The following KRT6B variants were observed in gnomAD, a reference collection of about 807,000 sequenced individuals.
KRT6B encodes the protein keratin 6B, also known as keratin, type II cytoskeletal 6B.
In KRT6B, 29 loss-of-function variants were observed where a neutral mutation model predicts 44.7. The observed-to-expected ratio is 0.65, with a 90% CI of 0.48 to 0.88. KRT6B has a LOEUF of 0.88. Among genes scored for constraint, KRT6B ranks in the 40% least tolerant of loss-of-function variants. KRT6B has a pLI of 0.00. For synonymous variants in KRT6B, 213 were observed against 296.0 expected (o/e 0.72, Z 2.88); for missense variants, 600 against 724.0 (o/e 0.83, Z 1.97).
Position 52,450,561 on chromosome 12 carries a change from C to T in KRT6B, c.600G>A (p.Glu200=). The T allele has an allele frequency of 1.2e-6, 2 of 1,614,240 alleles. No individual in the cohort carries two copies. The highest frequency in any genetic ancestry group is 1.7e-6 in the Non-Finnish European group (2 of 1,180,042). The part of the protein sequence containing the change: ...VLDTKWTLLQ[E]QGTKTVRQNL... ...TCTGCCTCACAGTCTTGGTGCCCTG[C>T]TCCTGCAGCAGGGTCCACTTGGTGT... Residue 200 remains glutamate (E), a synonymous_variant, in exon 2 of 9, where the codon GAG becomes GAA. Coordinates refer to ENST00000252252, the MANE Select transcript of KRT6B (RefSeq NM_005555.4).
Position 52,447,826 on chromosome 12 carries a change from T to C in KRT6B, c.1376A>G (p.Asp459Gly). The C allele has an allele frequency of 6.2e-7, 1 of 1,614,084 alleles. No individual in the cohort carries two copies. The highest frequency in any genetic ancestry group is 8.5e-7 in the Non-Finnish European group (1 of 1,180,012). ...QELMNVKLALDVEIATYRKLL... is the reference protein window; with the variant it reads ...QELMNVKLALGVEIATYRKLL... ...CTTGCGGTAGGTGGCGATCTCCACATCCAGGGCCAGCTTGACGTTCATCAG... is the reference window on the plus strand; with the variant it reads ...CTTGCGGTAGGTGGCGATCTCCACACCCAGGGCCAGCTTGACGTTCATCAG... The change falls in exon 7 of 9, where the codon GAT becomes GGT. Residue 459 changes from aspartate (D) to glycine (G), a missense_variant. Coordinates refer to ENST00000252252, the MANE Select transcript of KRT6B (RefSeq NM_005555.4).
At position 52,447,985 on chromosome 12, in the gene KRT6B, T is replaced by C. The variant is rs751323410; in HGVS notation, c.1217A>G (p.Gln406Arg). 3.1e-6 allele frequency: 5 copies of C among 1,614,180 alleles called. No homozygotes were observed. The highest frequency in any genetic ancestry group is 4.2e-6 in the Non-Finnish European group (5 of 1,180,022). Reference protein sequence around the residue: ...DHVKKQCANLQAAIADAEQRG... With the variant: ...DHVKKQCANLRAAIADAEQRG... ...CTGCTCAGCATCAGCAATGGCGGCC[T>C]GTAGGTTGGCACACTAGGAGGGCAA... The change falls in exon 7 of 9, where the codon CAG (glutamine) becomes CGG (arginine). Residue 406 changes from glutamine (Q) to arginine (R), a missense_variant. Around this residue, in one of 4 missense-constraint regions of KRT6B, gnomAD observed 479 missense variants for 454.2 expected, o/e 1.05. Coordinates refer to ENST00000252252, the MANE Select transcript of KRT6B (RefSeq NM_005555.4).
chr12:52,448,212 C>A (rs1000716513), intron 6 of KRT6B, among the ~76,000 whole-genome samples: 1 of 152,094 alleles, frequency 6.6e-6, no homozygotes, highest in African/African-American at 2.4e-5. Context: ...AACTCCACTG[C>A]CTAAAGATGT....
Position 52,450,498 on chromosome 12 carries a change from G to A in KRT6B, c.663C>T (p.Leu221=), listed in dbSNP as rs761170216. ...CCACGATGTTGTCCAGCTGCCTCCT[G>A]AGGTTGTTGATGTACTGCTCGAACA... ...EPLFEQYINN[L]RRQLDNIVGE... Residue 221 remains leucine (L), a synonymous_variant, in exon 2 of 9, where the codon CTC becomes CTT. Transcript: ENST00000252252. 7 of 1,614,216 alleles carry A rather than the reference G, an allele frequency of 4.3e-6. No individual in the cohort carries two copies. The highest frequency in any genetic ancestry group is 5.9e-6 in the Non-Finnish European group (7 of 1,180,054).
rs760396362 is a variant in KRT6B at position 52,450,433 on chromosome 12, T to C, written c.728A>G (p.Gln243Arg). The part of the protein sequence containing the change: ...GRLDSELRNM[Q>R]DLVEDLKNKY... ...GTTCTTGAGGTCCTCCACCAGGTCC[T>C]GCATGTTTCTCAGCTCCGAGTCCAG... The change falls in exon 2 of 9, where the codon CAG (glutamine) becomes CGG (arginine). Residue 243 changes from glutamine to arginine, a missense_variant. Gln to Arg is a conservative substitution (Grantham distance 43). Coordinates refer to ENST00000252252, the MANE Select transcript of KRT6B (RefSeq NM_005555.4). The C allele has an allele frequency of 2.5e-6, 4 of 1,614,102 alleles. No homozygotes were observed. The highest frequency in any genetic ancestry group is 1.3e-5 in the African/African-American group (1 of 74,932).
intron 2 of KRT6B, 74 bp from the exon 3 acceptor site, chr12:52,450,146 C>G: frequency 6.2e-7 from 1 of 1,612,788 alleles, no homozygotes; most frequent in Non-Finnish European, 8.5e-7. Context: ...TGGGATTCAA[C>G]ATTTTCCTGA....
In KRT6B at chr12:52,447,811, G is replaced by C; in HGVS notation, c.1391C>G (p.Thr464Ser). The C allele has an allele frequency of 1.9e-6, 3 of 1,614,170 alleles. No individual in the cohort carries two copies. Among genetic ancestry groups the C allele is most frequent in the Non-Finnish European group, 2.5e-6 (3 of 1,180,034 alleles). ...VKLALDVEIA[T>S]YRKLLEGEEC... ...CTCGCCCTCCAGCAGCTTGCGGTAG[G>C]TGGCGATCTCCACATCCAGGGCCAG... The change falls in exon 7 of 9, where the codon ACC becomes AGC. Residue 464 changes from threonine to serine, a missense_variant. Coordinates refer to ENST00000252252, the MANE Select transcript of KRT6B (RefSeq NM_005555.4).
At chr12:52,448,738 T>C in intron 6 of KRT6B, 104 bp downstream of exon 6, 1 of 1,587,672 alleles carries the variant, frequency 6.3e-7, no homozygotes, top group Non-Finnish European at 8.6e-7. Flanking sequence ...CCTTCTCTGC[T>C]TATCAATCAA....
Position 52,447,077 on chromosome 12 carries a change from C to A in KRT6B, c.*113G>T. On this transcript the variant is annotated 3_prime_UTR_variant, in exon 9 of 9. Transcript: ENST00000252252. ...GAAAAGTGAGGGCATCCCAGCTCTACCCGGGAGGGCAGGGGAGACTGGAGG... is the reference window on the plus strand; with the variant it reads ...GAAAAGTGAGGGCATCCCAGCTCTAACCGGGAGGGCAGGGGAGACTGGAGG... 7.3e-7 allele frequency: 1 copy of A among 1,374,216 alleles called. No homozygotes were observed. The highest frequency in any genetic ancestry group is 2.3e-5 in the East Asian group (1 of 43,430). The allele number at this position is 1,374,216 out of a possible 1,614,324, so 85.1% of individuals were successfully genotyped here.
At chr12:52,451,237 A>T (rs934594430) in intron 1 of KRT6B, among the ~76,000 whole-genome samples, 1 of 150,068 alleles carries the variant, frequency 6.7e-6, no homozygotes, top group African/African-American at 2.5e-5. Context: ...TTGCTTTGTA[A>T]TCTCTTAAAC....
At chr12:52,450,747 C>CA in intron 1 of KRT6B, 127 bp from the exon 2 acceptor site, 1 of 1,432,184 alleles carries the variant, frequency 7.0e-7, no homozygotes, top group Non-Finnish European at 9.7e-7. Flanking sequence ...TAGAGAGGCT[C>CA]AGGCTGAGCT....
intron 6 of KRT6B, among the ~76,000 whole-genome samples, 156 bp downstream of exon 6, chr12:52,448,686 G>A (rs1034961406): frequency 6.6e-6 from 1 of 152,124 alleles, no homozygotes; most frequent in Non-Finnish European, 1.5e-5. Flanking sequence ...CCATGTCTCT[G>A]AGCCAGAGTG....
chr12:52,447,634 G>A, intron 7 of KRT6B, 61 bp from the exon 8 acceptor site: 1 of 1,613,968 alleles, frequency 6.2e-7, no homozygotes, highest in South Asian at 1.1e-5. Flanking sequence ...AAGCCTCAGT[G>A]GGTGGGAAAG....
At chr12:52,447,696 G>A (rs562758952) in intron 7 of KRT6B, 82 bp downstream of exon 7, 296 of 1,613,948 alleles carry the variant, frequency 1.8e-4, no homozygotes, top group South Asian at 1.6e-3. Context: ...ATGGCCTTGG[G>A]CAGTGCACCT....
chr12:52,447,477 C>A (rs779394098), intron 8 of KRT6B, 52 bp from the exon 9 acceptor site: 2 of 1,613,870 alleles, frequency 1.2e-6, no homozygotes, highest in Non-Finnish European at 1.7e-6. Flanking sequence ...GTTCATCCTG[C>A]CGGCCTGAGC....
chr12:52,448,553 A>G (rs1223591581), intron 6 of KRT6B, among the ~76,000 whole-genome samples: 1 of 152,128 alleles, frequency 6.6e-6, no homozygotes, highest in East Asian at 1.9e-4. Flanking sequence ...GGTCCTTTGC[A>G]ATTCCAAAGT....
intron 7 of KRT6B, 57 bp from the exon 8 acceptor site, chr12:52,447,630 C>T: frequency 1.9e-6 from 3 of 1,613,956 alleles, no homozygotes; most frequent in Non-Finnish European, 2.5e-6. Flanking sequence ...TGGGAAGCCT[C>T]AGTGGGTGGG....
chr12:52,447,660 T>C (rs1592169169), intron 7 of KRT6B, 87 bp from the exon 8 acceptor site: 9 of 1,613,806 alleles, frequency 5.6e-6, no homozygotes, highest in Non-Finnish European at 7.6e-6. Flanking sequence ...GGGAAAACTT[T>C]TAGTTTTCTC....
intron 2 of KRT6B, 85 bp from the exon 3 acceptor site, chr12:52,450,157 A>G: frequency 1.2e-6 from 2 of 1,610,388 alleles, no homozygotes; most frequent in Non-Finnish European, 1.7e-6. Context: ...ATTTTCCTGA[A>G]TGGAATATAT....
Sources: allele counts gnomAD v4.1 joint callset (sites outside exome capture counted in the v4.1 genomes callset), GRCh38; gene constraint gnomAD v4.1.1; regional missense constraint gnomAD v4.1.1; transcripts MANE v1.5; gene names NCBI Gene and HGNC (gene_info 2026-07-23, HGNC 2026-07-21).